Variants in HVCN1 observed in about 807,000 individuals in gnomAD.
The protein encoded by HVCN1 is voltage-gated hydrogen channel 1.
HVCN1 carries 14 observed loss-of-function variants against 29.2 expected under a neutral mutation model. The ratio of observed to expected loss-of-function variants is 0.48; its 90% CI spans 0.32 to 0.75. The LOEUF (loss-of-function observed/expected upper bound fraction) is 0.75. HVCN1 is among the 30% of genes least tolerant of loss of function. The probability of loss-of-function intolerance (pLI) is 0.04; values close to 1 mark genes in which losing one functional copy is unlikely to be tolerated. For synonymous variants in HVCN1, 131 were observed against 133.2 expected (o/e 0.98, Z 0.11); for missense variants, 263 against 341.8 (o/e 0.77, Z 1.82).
intron 2 of HVCN1, among the ~76,000 whole-genome samples, chr12:110,686,860 C>T (rs1010713172): frequency 2.6e-5 from 4 of 152,132 alleles, no homozygotes; most frequent in Admixed American, 2.6e-4. Flanking sequence ...CTCCAAGAAG[C>T]CATTTGATAG....
At chr12:110,678,666 G>A (rs1405279298) in intron 3 of HVCN1, among the ~76,000 whole-genome samples, 1 of 151,920 alleles carries the variant, frequency 6.6e-6, no homozygotes, top group Non-Finnish European at 1.5e-5. Flanking sequence ...TACTCAGGCT[G>A]GTCTCAAACT....
rs1190838775 is a variant in HVCN1, at chr12:110,648,790, GA to G, written c.*619del. ...ATACAGTAGGAGGGTCCAGGGAAAA[GA>G]GAGAGTTTATTTTATACAGTAGTTG... On this transcript the variant is annotated 3_prime_UTR_variant, in exon 8 of 8. Transcript: ENST00000242607. The G allele has an allele frequency of 1.1e-5, 3 of 261,702 alleles. No individual in the cohort carries two copies. The highest frequency in any genetic ancestry group is 8.2e-5 in the African/African-American group (3 of 36,568). The allele number at this position is 261,702 out of a possible 1,614,324, so 16.2% of individuals were successfully genotyped here.
At chr12:110,685,908 C>T (rs915506288) in intron 2 of HVCN1, among the ~76,000 whole-genome samples, 2 of 152,122 alleles carry the variant, frequency 1.3e-5, no homozygotes, top group African/African-American at 2.4e-5. Flanking sequence ...TCTCAAACTC[C>T]TGAGTTCAAG....
chr12:110,679,940 G>T (rs968275111), intron 3 of HVCN1, among the ~76,000 whole-genome samples: 1 of 151,922 alleles, frequency 6.6e-6, no homozygotes, highest in African/African-American at 2.4e-5. Context: ...GGCCGATGAG[G>T]CTATCTCAGC....
At chr12:110,652,984 T>C (rs958336603) in intron 5 of HVCN1, among the ~76,000 whole-genome samples, 1 of 152,074 alleles carries the variant, frequency 6.6e-6, no homozygotes, top group Non-Finnish European at 1.5e-5. Flanking sequence ...CGCCAGCCAA[T>C]GAAGACTCCC....
rs138650579 is a variant in HVCN1 at position 110,657,088 on chromosome 12, A to G, written c.307-1750T>C. On this transcript the variant is annotated intron_variant, in intron 4 of 7. Coordinates refer to ENST00000242607, the MANE Select transcript of HVCN1 (RefSeq NM_032369.4). ...ATCACACATTATATGATCCCATCTA[A>G]TGAAATGTCCAGAAATGGCAAATCC... 5.3e-5 allele frequency among the ~76,000 whole-genome samples: 8 copies of G among 152,350 alleles called. No individual in the cohort carries two copies. In the East Asian group the frequency reaches 1.2e-3, roughly 22 times the overall value.
At chr12:110,668,196 A>T (rs1022564227) in intron 3 of HVCN1, among the ~76,000 whole-genome samples, 1 of 152,044 alleles carries the variant, frequency 6.6e-6, no homozygotes, top group Admixed American at 6.6e-5. Flanking sequence ...GCCAGCTATG[A>T]TCATCCCTTA....
At chr12:110,687,273 T>TA (rs1168675998) in intron 2 of HVCN1, among the ~76,000 whole-genome samples, 2 of 144,710 alleles carry the variant, frequency 1.4e-5, no homozygotes, top group African/African-American at 5.3e-5. Context: ...CCCCCCCAGC[T>TA]AAGCACTGGG....
chr12:110,661,533 G>A lies in HVCN1; in HGVS notation c.22-85C>T. On this transcript the variant is annotated intron_variant, in intron 3 of 7. Coordinates refer to ENST00000242607, the MANE Select transcript of HVCN1 (RefSeq NM_032369.4). The surrounding 1 kb of genome is among the most constrained non-coding windows in gnomAD (Gnocchi z 6.2). ...GCCCAGGCCGGGCCAGGCCACTGCAGGTGAAGATGGTCCCGGGTGCGTAGA... is the reference window on the plus strand; with the variant it reads ...GCCCAGGCCGGGCCAGGCCACTGCAAGTGAAGATGGTCCCGGGTGCGTAGA... 1 of 1,322,830 alleles carries A rather than the reference G, an allele frequency of 7.6e-7. No individual in the cohort carries two copies. Among genetic ancestry groups the A allele is most frequent in the South Asian group, 1.3e-5 (1 of 74,656 alleles). The allele number at this position is 1,322,830 out of a possible 1,614,324, so 81.9% of individuals were successfully genotyped here.
chr12:110,687,067 A>T (rs1457965032), intron 2 of HVCN1, among the ~76,000 whole-genome samples: 5 of 152,198 alleles, frequency 3.3e-5, no homozygotes, highest in Non-Finnish European at 7.3e-5. Flanking sequence ...GAAGAAAAAT[A>T]GGCTGATGGC....
chr12:110,689,833 A>G (rs2069363275), upstream of HVCN1: 1 of 152,346 alleles, frequency 6.6e-6, no homozygotes, highest in Admixed American at 6.5e-5. This position sits in a 1 kb window ranked among gnomAD's most constrained non-coding sequence, Gnocchi z 5.7. Context: ...CCCTCCCAGC[A>G]CCCTGTTCAC....
chr12:110,648,834 G>C lies in HVCN1; in HGVS notation c.*576C>G, dbSNP rs1436148325. On this transcript the variant is annotated 3_prime_UTR_variant, in exon 8 of 8. Coordinates refer to ENST00000242607, the MANE Select transcript of HVCN1 (RefSeq NM_032369.4). ...AGTAGTTGTTTTATTTTATACAGTA[G>C]TTGTACAGTAATTGAGGAAAAATGT... 2.8e-6 allele frequency: 1 copy of C among 361,928 alleles called. No individual in the cohort carries two copies. Among genetic ancestry groups the C allele is most frequent in the Non-Finnish European group, 5.3e-6 (1 of 190,462 alleles). 22.4% of individuals were successfully genotyped at this position (361,928 alleles called of 1,614,324 possible).
chr12:110,670,280 A>T (rs2068530384), intron 3 of HVCN1, among the ~76,000 whole-genome samples: 1 of 152,064 alleles, frequency 6.6e-6, no homozygotes, highest in Non-Finnish European at 1.5e-5. Context: ...TTGTTATCTG[A>T]CAATCGGAGA....
rs114597798 is a variant in HVCN1, at chr12:110,688,447, G to A, written c.-20+178C>T. The A allele has an allele frequency of 4.9e-3, 749 of 152,546 alleles. 8 individuals carry two copies. Among genetic ancestry groups the A allele is most frequent in the African/African-American group, 0.017 (702 of 41,588 alleles). 9.4% of individuals were successfully genotyped at this position (152,546 alleles called of 1,614,324 possible). ...TCTCCAACAGGTGGGTGCTTTTAAAGTGTTTCTAGGGAAGAGTTTGCTTCC... is the reference window on the plus strand; with the variant it reads ...TCTCCAACAGGTGGGTGCTTTTAAAATGTTTCTAGGGAAGAGTTTGCTTCC... On this transcript the variant is annotated intron_variant, in intron 2 of 7. Transcript: ENST00000242607.
At chr12:110,666,832 C>A (rs1187786776) in intron 3 of HVCN1, among the ~76,000 whole-genome samples, 1 of 152,210 alleles carries the variant, frequency 6.6e-6, no homozygotes, top group Admixed American at 6.5e-5. Context: ...CCATTTATAA[C>A]CTCTCCTCCC....
chr12:110,671,391 C>T (rs1361089600), intron 3 of HVCN1, among the ~76,000 whole-genome samples: 1 of 152,138 alleles, frequency 6.6e-6, no homozygotes, highest in Non-Finnish European at 1.5e-5. Context: ...CAGAATGATA[C>T]GTCCACAAGC....
At chr12:110,659,118 G>C (rs993444851) in intron 4 of HVCN1, among the ~76,000 whole-genome samples, 1 of 152,190 alleles carries the variant, frequency 6.6e-6, no homozygotes, top group Non-Finnish European at 1.5e-5. Flanking sequence ...AGGCGCTCTG[G>C]CATGTCAGCT....
At chr12:110,670,060 G>A (rs140438098) in intron 3 of HVCN1, among the ~76,000 whole-genome samples, 48 of 152,236 alleles carry the variant, frequency 3.2e-4, no homozygotes, top group African/African-American at 1.1e-3. Flanking sequence ...TAAATGAATG[G>A]ATTAACAAAA....
At chr12:110,683,032 A>T in intron 3 of HVCN1, 193 bp downstream of exon 3, 1 of 688,636 alleles carries the variant, frequency 1.5e-6, no homozygotes, top group Non-Finnish European at 2.5e-6. Flanking sequence ...AAATGGTCTG[A>T]TGTGGAATAT....
Sources: allele counts gnomAD v4.1 joint callset (sites outside exome capture counted in the v4.1 genomes callset), GRCh38; gene constraint gnomAD v4.1.1; non-coding constraint Gnocchi (gnomAD v3.1); transcripts MANE v1.5; gene names NCBI Gene and HGNC (gene_info 2026-07-23, HGNC 2026-07-21).